Variants in MAPRE2 observed in about 807,000 individuals in gnomAD.
MAPRE2 encodes microtubule associated protein RP/EB family member 2.
MAPRE2 carries 13 observed loss-of-function variants against 43.2 expected under a neutral mutation model. The observed-to-expected ratio is 0.30, with a 90% CI of 0.20 to 0.48. MAPRE2 has a LOEUF of 0.48. Ranked by LOEUF, MAPRE2 falls within the 20% of genes least tolerant of loss-of-function variation. The pLI is 0.99. For synonymous variants in MAPRE2, 135 were observed against 148.8 expected (o/e 0.91, Z 0.68); for missense variants, 161 against 400.2 (o/e 0.40, Z 5.10).
chr18:35,041,270 C>T, upstream of MAPRE2: 1 of 1,341,410 alleles, frequency 7.5e-7, no homozygotes, highest in Non-Finnish European at 9.7e-7. Context: ...CGCCGCGACC[C>T]TGTGCGAATT....
intron 1 of MAPRE2, among the ~76,000 whole-genome samples, chr18:35,057,511 T>C (rs796239274): frequency 8.2e-4 from 124 of 150,654 alleles, no homozygotes; most frequent in Non-Finnish European, 1.5e-3. Flanking sequence ...TGTGTGCGTG[T>C]GTGTGTGTGT....
chr18:35,029,854 G>A (rs908406045), intron 2 of MAPRE2, among the ~76,000 whole-genome samples: 24 of 152,184 alleles, frequency 1.6e-4, no homozygotes, highest in Non-Finnish European at 1.5e-4. Flanking sequence ...ACGTTTTAAC[G>A]AGAGCACTCA....
chr18:35,079,495 C>A (rs1226885363), intron 2 of MAPRE2, among the ~76,000 whole-genome samples: 1 of 152,194 alleles, frequency 6.6e-6, no homozygotes, highest in African/African-American at 2.4e-5. Context: ...AGAGTAGACA[C>A]CGATTTCCCA....
At chr18:35,046,340 C>T (rs576156878) in intron 1 of MAPRE2, among the ~76,000 whole-genome samples, 38 of 152,062 alleles carry the variant, frequency 2.5e-4, no homozygotes, top group Non-Finnish European at 2.2e-4. Flanking sequence ...AGTCTGATAG[C>T]GAAAGTGGTT....
At chr18:35,004,954 A>C (rs1435961026) in intron 1 of MAPRE2, among the ~76,000 whole-genome samples, 1 of 152,124 alleles carries the variant, frequency 6.6e-6, no homozygotes, top group Admixed American at 6.5e-5. Context: ...TAAATTACTA[A>C]ATTACTGCTT....
intron 1 of MAPRE2, among the ~76,000 whole-genome samples, chr18:34,980,652 C>T (rs2097015746): frequency 1.3e-5 from 2 of 152,162 alleles, no homozygotes; most frequent in South Asian, 4.1e-4. Flanking sequence ...TTCTTACTTG[C>T]TATGATAGCT....
rs56833433 is a variant in MAPRE2 at position 35,093,211 on chromosome 18, C to CA, written c.251-4208dup. ...TAGGAGACAGAGCAAGACCCTGTCT[C>CA]AAAAAAAAAAAAAAAAAAAAAAAAA... On this transcript the variant is annotated intron_variant, in intron 2 of 6. Transcript: ENST00000300249. Among the ~76,000 whole-genome samples the CA allele has an allele frequency of 9.0e-3, 470 of 52,234 alleles. 27 individuals carry two copies. The highest frequency in any genetic ancestry group is 0.011 in the Non-Finnish European group (327 of 30,122). The allele number at this position is 52,234 out of a possible 152,430, so 34.3% of individuals were successfully genotyped here.
intron 1 of MAPRE2, among the ~76,000 whole-genome samples, chr18:34,992,363 A>T (rs1603387341): frequency 6.6e-6 from 1 of 152,354 alleles, no homozygotes; most frequent in Non-Finnish European, 1.5e-5. Flanking sequence ...TTGCAAGTTG[A>T]GCACATCATT....
At position 35,047,716 on chromosome 18, in the gene MAPRE2, TA is replaced by T. The variant is rs34691999; in HGVS notation, c.122+6071del. On this transcript the variant is annotated intron_variant, in intron 1 of 6. Coordinates refer to ENST00000300249, the MANE Select transcript of MAPRE2 (RefSeq NM_014268.4). ...ATAAATAATTTCTTAGTAGGTTACT[TA>T]AAAAAAAAAAAAAAACACTGTGTTT... is the stretch of plus-strand genomic sequence containing the variant. Among the ~76,000 whole-genome samples, 124 of 143,056 alleles carry T rather than the reference TA, an allele frequency of 8.7e-4. 1 individual carries two copies. The highest frequency in any genetic ancestry group is 1.3e-3 in the South Asian group (6 of 4,450). The allele number at this position is 143,056 out of a possible 152,430, so 93.9% of individuals were successfully genotyped here. A position where few individuals can be genotyped will look rare whatever the true frequency, so the allele number is the denominator to read the frequency against.
chr18:35,087,424 T>C (rs1907928592), intron 2 of MAPRE2, among the ~76,000 whole-genome samples: 1 of 152,208 alleles, frequency 6.6e-6, no homozygotes, highest in South Asian at 2.1e-4. Context: ...TACCCTATGC[T>C]TAGCTTTTAA....
intron 4 of MAPRE2, among the ~76,000 whole-genome samples, chr18:35,120,221 C>T (rs1486776567): frequency 2.0e-5 from 3 of 152,188 alleles, no homozygotes; most frequent in Non-Finnish European, 4.4e-5. Context: ...GGTCTTCATT[C>T]CCACGAGATT....
chr18:35,028,828 T>C (rs940134658), intron 2 of MAPRE2, among the ~76,000 whole-genome samples: 1 of 152,226 alleles, frequency 6.6e-6, no homozygotes, highest in Non-Finnish European at 1.5e-5. Context: ...AATTGTGGGC[T>C]GGTGGGAATG....
chr18:35,121,214 C>T (rs968205342), intron 4 of MAPRE2, among the ~76,000 whole-genome samples: 2 of 152,136 alleles, frequency 1.3e-5, no homozygotes, highest in Admixed American at 6.5e-5. Flanking sequence ...CTTGTTGCAG[C>T]GTTTTCCATA....
At chr18:35,131,957 A>G in intron 5 of MAPRE2, 75 bp from the exon 6 acceptor site, 2 of 1,427,804 alleles carry the variant, frequency 1.4e-6, no homozygotes, top group African/African-American at 2.9e-5. Flanking sequence ...TTTGGGTTTT[A>G]TTCACAGGAA....
At chr18:35,140,070 T>C (rs1405504772) in intron 6 of MAPRE2, among the ~76,000 whole-genome samples, 2 of 152,230 alleles carry the variant, frequency 1.3e-5, no homozygotes, top group Non-Finnish European at 2.9e-5. Context: ...ACGACTGTGC[T>C]TTCTAGAATG....
At chr18:35,113,404 C>A (rs558457508) in intron 4 of MAPRE2, among the ~76,000 whole-genome samples, 1 of 152,216 alleles carries the variant, frequency 6.6e-6, no homozygotes, top group Admixed American at 6.5e-5. Flanking sequence ...AGATGATTTA[C>A]TAATTCAATT....
At chr18:35,123,159 T>A (rs1019559138) in intron 4 of MAPRE2, among the ~76,000 whole-genome samples, 1 of 152,220 alleles carries the variant, frequency 6.6e-6, no homozygotes, top group Non-Finnish European at 1.5e-5. Context: ...GCCCAGGGGT[T>A]TGGCTTGCCA....
At chr18:35,045,781 G>A (rs1320256892) in intron 1 of MAPRE2, among the ~76,000 whole-genome samples, 1 of 152,172 alleles carries the variant, frequency 6.6e-6, no homozygotes, top group Non-Finnish European at 1.5e-5. Flanking sequence ...GTATTTGTTA[G>A]TATCATCTAG....
At chr18:35,037,140 G>C (rs927492268), upstream of MAPRE2, among the ~76,000 whole-genome samples, 3 of 145,352 alleles carry the variant, frequency 2.1e-5, no homozygotes, top group Admixed American at 7.2e-5. Context: ...AACACTGAGA[G>C]TTCCTTGAAG....
Sources: gnomAD v4.1 joint callset for allele counts (sites outside exome capture counted in the v4.1 genomes callset) on GRCh38, gnomAD v4.1.1 for gene constraint, MANE v1.5 for transcripts, NCBI Gene and HGNC (gene_info 2026-07-23, HGNC 2026-07-21) for gene names.